The following CSMD1 variants were observed in gnomAD, a reference collection of about 807,000 sequenced individuals.
CSMD1 encodes CUB and Sushi multiple domains 1, also known as CUB and sushi domain-containing protein 1.
CSMD1 carries 213 observed loss-of-function variants against 417.5 expected under a neutral mutation model. The observed-to-expected ratio is 0.51, with a 90% CI of 0.46 to 0.57. The LOEUF is 0.57. CSMD1 is among the 20% of genes least tolerant of loss of function. CSMD1 has a pLI of 0.00. For synonymous variants in CSMD1, 2,862 were observed against 1,736.8 expected, an observed-to-expected ratio of 1.65 and a Z score of -16.11; for missense variants, 6,923 against 4,529.7, an observed-to-expected ratio of 1.53 and a Z score of -15.17.
chr8:3,355,521 G>A (rs1808720537), intron 21 of CSMD1, among the ~76,000 whole-genome samples: 1 of 152,116 alleles, frequency 6.6e-6, no homozygotes, highest in African/African-American at 2.4e-5. Context: ...AATAGGCATG[G>A]GACTCAATGT....
In CSMD1 at chr8:4,920,863, A is replaced by G. The variant is rs866155096; in HGVS notation, c.85+73469T>C. Reference sequence around the variant, plus strand: ...GAACGAAAGAAAAGAAAAGAAAAGAAAAGAAAAGAAAAGAAAAGAAAAGAA... The same window carrying G: ...GAACGAAAGAAAAGAAAAGAAAAGAGAAGAAAAGAAAAGAAAAGAAAAGAA... On this transcript the variant is annotated intron_variant, in intron 1 of 69. Transcript: ENST00000635120. Among the ~76,000 whole-genome samples the G allele has an allele frequency of 4.7e-4, 3 of 6,356 alleles. 1 individual carries two copies. Among genetic ancestry groups the G allele is most frequent in the Non-Finnish European group, 1.4e-3 (3 of 2,118 alleles). 4.2% of individuals were successfully genotyped at this position (6,356 alleles called of 152,430 possible).
At chr8:4,466,413 C>A (rs1437824033) in intron 2 of CSMD1, among the ~76,000 whole-genome samples, 1 of 151,988 alleles carries the variant, frequency 6.6e-6, no homozygotes, top group Non-Finnish European at 1.5e-5. Context: ...CCAAAAAAAA[C>A]ACTCACTTTG....
chr8:4,523,501 G>C (rs1034007822), intron 2 of CSMD1, among the ~76,000 whole-genome samples: 4 of 152,038 alleles, frequency 2.6e-5, no homozygotes, highest in African/African-American at 9.7e-5. Flanking sequence ...GTGTAGGATG[G>C]CTGTTGCTAG....
rs374477562 is a variant in CSMD1 at position 4,654,765 on chromosome 8, G to A, written c.86-17207C>T. ...CAGAGAAGAAAACTTTATTTTTTGG[G>A]TCCCTTCTGTGTACACAGGCAGACA... is the stretch of plus-strand genomic sequence containing the variant. On this transcript the variant is annotated intron_variant, in intron 1 of 69. Transcript: ENST00000635120. Among the ~76,000 whole-genome samples the A allele has an allele frequency of 2.6e-4, 40 of 151,872 alleles. 1 individual carries two copies. Among genetic ancestry groups the A allele is most frequent in the African/African-American group, 8.2e-4 (34 of 41,276 alleles).
chr8:4,454,887 G>T (rs1402304035), intron 2 of CSMD1, among the ~76,000 whole-genome samples: 1 of 152,104 alleles, frequency 6.6e-6, no homozygotes, highest in African/African-American at 2.4e-5. Flanking sequence ...GGCGTCCTGT[G>T]ATACACCTAC....
intron 12 of CSMD1, among the ~76,000 whole-genome samples, chr8:3,426,438 A>C (rs74828637): frequency 0.014 from 2,186 of 152,284 alleles, 53 homozygotes; most frequent in East Asian, 0.1. Flanking sequence ...AAAAATAGGA[A>C]CATCACTTTT....
At chr8:4,198,013 G>A (rs948178688) in intron 3 of CSMD1, among the ~76,000 whole-genome samples, 1 of 152,234 alleles carries the variant, frequency 6.6e-6, no homozygotes, top group African/African-American at 2.4e-5. Flanking sequence ...TTCCTTAAGA[G>A]TTGGGGGCAC....
At chr8:4,163,495 C>A (rs4492398) in intron 3 of CSMD1, among the ~76,000 whole-genome samples, 58,892 of 151,952 alleles carry the variant, frequency 0.39, 11,650 homozygotes, top group Middle Eastern at 0.5. Context: ...TATCCTTCAA[C>A]TCACAGTACA....
intron 54 of CSMD1, among the ~76,000 whole-genome samples, chr8:2,980,043 A>C (rs995846163): frequency 1.3e-5 from 2 of 152,232 alleles, no homozygotes; most frequent in Non-Finnish European, 2.9e-5. Flanking sequence ...ATCAAGCATA[A>C]GAGATGGAAT....
chr8:4,872,231 A>G (rs1321518810), intron 1 of CSMD1, among the ~76,000 whole-genome samples: 1 of 152,086 alleles, frequency 6.6e-6, no homozygotes, highest in Non-Finnish European at 1.5e-5. Context: ...TGGGACGACA[A>G]TATTTACTTC....
At chr8:4,916,774 A>T (rs781115319) in intron 1 of CSMD1, among the ~76,000 whole-genome samples, 10 of 152,254 alleles carry the variant, frequency 6.6e-5, no homozygotes, top group Admixed American at 1.3e-4. Context: ...ACAAAGTGAC[A>T]GCTAGATGCT....
intron 9 of CSMD1, among the ~76,000 whole-genome samples, chr8:3,584,100 C>T (rs1020577735): frequency 1.3e-5 from 2 of 152,072 alleles, no homozygotes; most frequent in African/African-American, 4.8e-5. Flanking sequence ...ACTTCAAATA[C>T]ATTTTTACTT....
intron 7 of CSMD1, among the ~76,000 whole-genome samples, chr8:3,697,837 A>G (rs966477617): frequency 1.3e-5 from 2 of 152,204 alleles, no homozygotes; most frequent in Admixed American, 6.5e-5. Flanking sequence ...CATCATCTCC[A>G]GGTTGTTTCT....
At chr8:3,575,269 C>A (rs1302144400) in intron 9 of CSMD1, among the ~76,000 whole-genome samples, 1 of 152,026 alleles carries the variant, frequency 6.6e-6, no homozygotes, top group East Asian at 1.9e-4. Flanking sequence ...TTGGTATCTG[C>A]AGTGTTACGC....
intron 37 of CSMD1, among the ~76,000 whole-genome samples, chr8:3,172,096 C>A (rs982747587): frequency 6.6e-6 from 1 of 152,210 alleles, no homozygotes; most frequent in Non-Finnish European, 1.5e-5. Flanking sequence ...TGTCTCAGAA[C>A]CATGTAAAAT....
intron 37 of CSMD1, among the ~76,000 whole-genome samples, chr8:3,175,733 T>C (rs1820898725): frequency 6.6e-6 from 1 of 152,172 alleles, no homozygotes; most frequent in Non-Finnish European, 1.5e-5. Flanking sequence ...TGTCTACTGC[T>C]GGGCTACTAT....
At chr8:3,783,554 G>C (rs1044664847) in intron 5 of CSMD1, among the ~76,000 whole-genome samples, 1 of 152,230 alleles carries the variant, frequency 6.6e-6, no homozygotes, top group Non-Finnish European at 1.5e-5. Flanking sequence ...GGGCACAGGA[G>C]GAAGCACCAC....
intron 26 of CSMD1, among the ~76,000 whole-genome samples, chr8:3,244,368 G>C (rs1024034781): frequency 2.0e-5 from 3 of 152,140 alleles, no homozygotes; most frequent in African/African-American, 7.2e-5. Flanking sequence ...TGCAAACCTA[G>C]GACGTGTCCT....
At chr8:3,281,715 G>A (rs1217587405) in intron 26 of CSMD1, among the ~76,000 whole-genome samples, 1 of 152,138 alleles carries the variant, frequency 6.6e-6, no homozygotes, top group African/African-American at 2.4e-5. Context: ...GAATTGTTAG[G>A]GCAGGGAAAT....
Sources: gnomAD v4.1 joint callset for allele counts (sites outside exome capture counted in the v4.1 genomes callset) on GRCh38, gnomAD v4.1.1 for gene constraint, MANE v1.5 for transcripts, NCBI Gene and HGNC (gene_info 2026-07-23, HGNC 2026-07-21) for gene names.